The following AFF1 variants were observed in gnomAD, a reference collection of about 807,000 sequenced individuals.
AFF1 encodes ALF transcription elongation factor 1.
Under a neutral mutation model 121.7 loss-of-function variants are expected in AFF1, and 48 were observed. The ratio of observed to expected loss-of-function variants is 0.39; its 90% CI spans 0.31 to 0.50. AFF1 has a LOEUF of 0.50. AFF1 is among the 20% of genes least tolerant of loss of function. AFF1 has a pLI of 0.76. For missense variants in AFF1, 1,523 were observed against 1,511.7 expected, an observed-to-expected ratio of 1.01 and a Z score of -0.12; for synonymous variants, 613 against 563.0, an observed-to-expected ratio of 1.09 and a Z score of -1.26.
chr4:87,049,339 G>A (rs1245227986), intron 4 of AFF1, among the ~76,000 whole-genome samples: 1 of 150,846 alleles, frequency 6.6e-6, no homozygotes, highest in Non-Finnish European at 1.5e-5. Flanking sequence ...TCTCTGGAAC[G>A]AGGTGCTTAT....
intron 2 of AFF1, among the ~76,000 whole-genome samples, chr4:86,954,855 A>C (rs921368776): frequency 6.6e-6 from 1 of 152,206 alleles, no homozygotes; most frequent in African/African-American, 2.4e-5. Flanking sequence ...GAAGCAGAAG[A>C]AAATCCATGT....
In AFF1 at chr4:87,136,155, G is replaced by A. The variant is rs1314008820; in HGVS notation, c.*454G>A. On this transcript the variant is annotated 3_prime_UTR_variant, in exon 21 of 21. Transcript: ENST00000395146. ...ACAATGACTTTTGGTAAAGGGTTTT[G>A]TGGATGATTTTTTTTCTTTTGAGTT... is the stretch of plus-strand genomic sequence containing the variant. The A allele has an allele frequency of 4.3e-6, 1 of 232,776 alleles. No individual in the cohort carries two copies. The highest frequency in any genetic ancestry group is 8.5e-6 in the Non-Finnish European group (1 of 118,002). The allele number at this position is 232,776 out of a possible 1,614,324, so 14.4% of individuals were successfully genotyped here.
intron 4 of AFF1, among the ~76,000 whole-genome samples, chr4:87,052,092 C>T (rs1209531774): frequency 6.6e-6 from 1 of 152,044 alleles, no homozygotes; most frequent in African/African-American, 2.4e-5. Context: ...AGACGTATTT[C>T]ATTTCAGGCA....
chr4:87,070,977 A>G (rs1176594868), intron 4 of AFF1, among the ~76,000 whole-genome samples: 1 of 152,216 alleles, frequency 6.6e-6, no homozygotes, highest in African/African-American at 2.4e-5. Flanking sequence ...CGCCAAGACA[A>G]CTGAGAAACT....
intron 13 of AFF1, among the ~76,000 whole-genome samples, chr4:87,125,592 G>A (rs574307747): frequency 6.6e-6 from 1 of 152,224 alleles, no homozygotes; most frequent in East Asian, 1.9e-4. Context: ...AGACCACTCA[G>A]TGTCTGTTGT....
At chr4:87,080,175 G>A (rs1723032260) in intron 4 of AFF1, among the ~76,000 whole-genome samples, 2 of 152,114 alleles carry the variant, frequency 1.3e-5, no homozygotes, top group South Asian at 4.2e-4. Context: ...GAAGGGGAGA[G>A]CTCGTGCCCT....
In AFF1 at chr4:87,091,821, A is replaced by G; in HGVS notation, c.1220A>G (p.Gln407Arg). The G allele has an allele frequency of 6.4e-7, 1 of 1,558,818 alleles. No homozygotes were observed. Among genetic ancestry groups the G allele is most frequent in the Non-Finnish European group, 8.7e-7 (1 of 1,153,460 alleles). The stretch of plus-strand genomic sequence containing the variant: ...TCTCAGCATGTCAGTTCTGTAACCC[A>G]AAACCAAAGTAAGTAAATTTGAAAC... ...KDSQHVSSVT[Q>R]NQKQYDTSSK... Residue 407 changes from glutamine (Q) to arginine (R), a missense_variant, in exon 7 of 21, where the codon CAA becomes CGA. Gln to Arg is a conservative substitution (Grantham distance 43). Transcript: ENST00000395146.
intron 16 of AFF1, among the ~76,000 whole-genome samples, chr4:87,128,135 CTA>C (rs1387456892): frequency 1.1e-4 from 16 of 152,154 alleles, no homozygotes; most frequent in Admixed American, 1.0e-3. Flanking sequence ...TGTGTTCACT[CTA>C]AAACATTTCA....
At chr4:87,132,652 G>A (rs935539890) in intron 19 of AFF1, among the ~76,000 whole-genome samples, 6 of 152,168 alleles carry the variant, frequency 3.9e-5, no homozygotes, top group Non-Finnish European at 7.4e-5. Context: ...AAAGAATATA[G>A]AATTGAAATT....
chr4:86,953,653 T>A (rs1721535117), intron 2 of AFF1, among the ~76,000 whole-genome samples: 1 of 152,218 alleles, frequency 6.6e-6, no homozygotes, highest in Non-Finnish European at 1.5e-5. Context: ...TTCTAAAAAT[T>A]GTTATTGGAG....
At chr4:87,102,552 T>C (rs532796754) in intron 8 of AFF1, among the ~76,000 whole-genome samples, 1 of 152,274 alleles carries the variant, frequency 6.6e-6, no homozygotes, top group African/African-American at 2.4e-5. Context: ...CCACACAGGA[T>C]TGTAATGATA....
At chr4:87,036,313 ACAT>A (rs1177923013) in intron 2 of AFF1, among the ~76,000 whole-genome samples, 1 of 152,186 alleles carries the variant, frequency 6.6e-6, no homozygotes, top group Admixed American at 6.5e-5. Flanking sequence ...TTTGTCAGTA[ACAT>A]CAATACGCTG....
intron 8 of AFF1, among the ~76,000 whole-genome samples, chr4:87,099,155 A>G (rs920794046): frequency 3.3e-5 from 5 of 152,240 alleles, no homozygotes; most frequent in Non-Finnish European, 7.3e-5. Flanking sequence ...TTGAACCTGG[A>G]TATTTCAATG....
At chr4:87,125,699 C>CA (rs1360240261) in intron 13 of AFF1, among the ~76,000 whole-genome samples, 1 of 152,140 alleles carries the variant, frequency 6.6e-6, no homozygotes, top group Non-Finnish European at 1.5e-5. Context: ...GAAATTGCTT[C>CA]AAAAAATGTA....
At chr4:86,944,776 T>A (rs563260559) in intron 1 of AFF1, among the ~76,000 whole-genome samples, 32 of 152,360 alleles carry the variant, frequency 2.1e-4, no homozygotes, top group South Asian at 2.1e-4. Context: ...GAAAACATCT[T>A]GAGTCACTTT....
intron 12 of AFF1, among the ~76,000 whole-genome samples, chr4:87,121,690 TATAGA>T (rs1330148705): frequency 6.6e-6 from 1 of 152,268 alleles, no homozygotes; most frequent in African/African-American, 2.4e-5. Context: ...TCTACCAGCT[TATAGA>T]ATATTATCTG....
chr4:87,106,997 A>G (rs1725973850), intron 10 of AFF1, among the ~76,000 whole-genome samples: 1 of 152,206 alleles, frequency 6.6e-6, no homozygotes, highest in African/African-American at 2.4e-5. Context: ...GGAAAAGGAA[A>G]AAGAAGAGAC....
intron 8 of AFF1, among the ~76,000 whole-genome samples, chr4:87,104,381 A>G (rs922552696): frequency 6.6e-6 from 1 of 152,202 alleles, no homozygotes; most frequent in African/African-American, 2.4e-5. Context: ...ACAGAGTGAG[A>G]CCCTGTCTCA....
intron 2 of AFF1, among the ~76,000 whole-genome samples, chr4:87,022,782 A>G (rs1159326603): frequency 2.7e-5 from 4 of 150,928 alleles, no homozygotes; most frequent in South Asian, 2.1e-4. Flanking sequence ...GTATATATAT[A>G]CATATCACGT....
Sources: allele counts gnomAD v4.1 joint callset (sites outside exome capture counted in the v4.1 genomes callset), GRCh38; gene constraint gnomAD v4.1.1; transcripts MANE v1.5; gene names NCBI Gene and HGNC (gene_info 2026-07-23, HGNC 2026-07-21).